The following SEC16B variants were observed in gnomAD, a reference collection of about 807,000 sequenced individuals.
SEC16B encodes the protein SEC16 homolog B, endoplasmic reticulum export factor, also known as protein transport protein Sec16B.
A neutral mutation model predicts 141.8 loss-of-function variants in SEC16B; 115 were observed. That is an observed-to-expected ratio of 0.81 (90% CI 0.70 to 0.95). The LOEUF (loss-of-function observed/expected upper bound fraction) is 0.95, where lower values mean the gene tolerates loss of function less well. SEC16B is among the 40% of genes least tolerant of loss of function. SEC16B has a pLI of 0.00. For synonymous variants in SEC16B, 493 were observed against 492.5 expected, an observed-to-expected ratio of 1.00 and a Z score of -0.01; for missense variants, 1,291 against 1,312.3, an observed-to-expected ratio of 0.98 and a Z score of 0.25.
intron 11 of SEC16B, among the ~76,000 whole-genome samples, chr1:177,953,840 C>G (rs964034437): frequency 6.6e-6 from 1 of 152,044 alleles, no homozygotes; most frequent in Non-Finnish European, 1.5e-5. Context: ...CAGCTCACGA[C>G]CCTGCTACCC....
chr1:177,974,828 T>A (rs979740140), upstream of SEC16B, among the ~76,000 whole-genome samples: 1 of 152,190 alleles, frequency 6.6e-6, no homozygotes, highest in Non-Finnish European at 1.5e-5. Flanking sequence ...CTGATTCATA[T>A]GAAGAGACTG....
In SEC16B at chr1:177,961,492, G is replaced by A. The variant is rs1021755866; in HGVS notation, c.787+98C>T. The A allele has an allele frequency of 6.8e-6, 9 of 1,325,326 alleles. No individual in the cohort carries two copies. The South Asian group carries it at 1.1e-4, about 17-fold the overall frequency. 82.1% of individuals were successfully genotyped at this position (1,325,326 alleles called of 1,614,324 possible). A position where few individuals can be genotyped will look rare whatever the true frequency, so the allele number is the denominator to read the frequency against. On this transcript the variant is annotated intron_variant, in intron 6 of 25. Coordinates refer to ENST00000308284, the MANE Select transcript of SEC16B (RefSeq NM_033127.4). ...GGTGACCTACATAAGCAAATGAGGTGGACAATGATCCATCGTAAGGCTGAC... is the reference window on the plus strand; with the variant it reads ...GGTGACCTACATAAGCAAATGAGGTAGACAATGATCCATCGTAAGGCTGAC...
At chr1:177,937,591 T>C in intron 18 of SEC16B, 78 bp from the exon 19 acceptor site, 2 of 1,243,866 alleles carry the variant, frequency 1.6e-6, no homozygotes, top group Non-Finnish European at 2.2e-6. Context: ...GAAACATTCC[T>C]GCTTATGTCT....
In SEC16B at chr1:177,958,946, G is replaced by A. The variant is rs749834093; in HGVS notation, c.1028C>T (p.Thr343Met). 2.1e-5 allele frequency: 34 copies of A among 1,613,520 alleles called. No individual in the cohort carries two copies. The East Asian group carries it at 2.2e-4, about 11-fold the overall frequency. Residue 343 changes from threonine to methionine, a missense_variant, in exon 9 of 26, where the codon ACG (threonine) becomes ATG (methionine). Physicochemically the swap from Thr to Met is moderately conservative, Grantham distance 81 (BLOSUM62 -1). Transcript: ENST00000308284. ...REDVHKVDIM[T>M]FCQQKAAQSC... ...CTGAGCTGCTTTCTGCTGGCAAAAC[G>A]TCATAATATCCACCTTATGTACATC...
At chr1:177,937,685 T>G (rs1650959696) in intron 18 of SEC16B, among the ~76,000 whole-genome samples, 172 bp from the exon 19 acceptor site, 1 of 152,194 alleles carries the variant, frequency 6.6e-6, no homozygotes, top group African/African-American at 2.4e-5. Context: ...GATTGTAACA[T>G]CCTCATTGCT....
intron 16 of SEC16B, 41 bp from the exon 17 acceptor site, chr1:177,940,755 A>G (rs913433131): frequency 1.5e-6 from 2 of 1,358,324 alleles, no homozygotes; most frequent in Non-Finnish European, 2.1e-6. Context: ...AGAAAGTAAG[A>G]GAGGAGAGGA....
At chr1:177,968,312 G>A (rs901219384) in intron 1 of SEC16B, among the ~76,000 whole-genome samples, 3 of 152,188 alleles carry the variant, frequency 2.0e-5, no homozygotes, top group Admixed American at 6.5e-5. Context: ...AACAATAATA[G>A]GTACAGCTAA....
At chr1:177,935,784 G>T (rs1299340744) in intron 20 of SEC16B, among the ~76,000 whole-genome samples, 1 of 152,090 alleles carries the variant, frequency 6.6e-6, no homozygotes, top group Admixed American at 6.5e-5. Context: ...CTCAGGTTTG[G>T]GACCAACACT....
intron 16 of SEC16B, 60 bp downstream of exon 16, chr1:177,941,840 G>A (rs1184342875): frequency 1.1e-5 from 18 of 1,568,906 alleles, no homozygotes; most frequent in Admixed American, 1.1e-4. Context: ...GCTGCTCTAC[G>A]ATGGCTTTCT....
intron 2 of SEC16B, 57 bp downstream of exon 2, chr1:177,967,626 C>A: frequency 7.0e-7 from 1 of 1,437,158 alleles, no homozygotes; most frequent in East Asian, 2.3e-5. Flanking sequence ...AGGAAAAGAA[C>A]AACCTATTCA....
chr1:177,971,637 G>A (rs1218279328), upstream of SEC16B, among the ~76,000 whole-genome samples: 1 of 152,206 alleles, frequency 6.6e-6, no homozygotes, highest in Non-Finnish European at 1.5e-5. Context: ...AACACCAGCT[G>A]CATTATGGGA....
intron 19 of SEC16B, among the ~76,000 whole-genome samples, chr1:177,936,647 C>A (rs1190467954): frequency 1.3e-5 from 2 of 152,166 alleles, no homozygotes; most frequent in African/African-American, 4.8e-5. Flanking sequence ...GGATCCTCCA[C>A]CACTCCTCTC....
At chr1:177,955,218 C>G (rs746483112) in intron 10 of SEC16B, among the ~76,000 whole-genome samples, 1 of 151,836 alleles carries the variant, frequency 6.6e-6, no homozygotes, top group African/African-American at 2.4e-5. Context: ...AATGCAGGCC[C>G]GGTGCGGTGG....
chr1:177,945,100 C>G (rs1651584587), intron 14 of SEC16B, among the ~76,000 whole-genome samples: 1 of 152,140 alleles, frequency 6.6e-6, no homozygotes, highest in South Asian at 2.1e-4. Context: ...AAGAGGGGAG[C>G]CATGTAACAC....
At position 177,958,979 on chromosome 1, in the gene SEC16B, C is replaced by T. The variant is rs1361219633; in HGVS notation, c.999-4G>A. ...ATCCACCTTATGTACATCTTCCCTA[C>T]ATGGAAAAAATTTAGGGAGCAAAGA... On this transcript the variant is annotated splice_region_variant and splice_polypyrimidine_tract_variant and intron_variant, in intron 8 of 25. Coordinates refer to ENST00000308284, the MANE Select transcript of SEC16B (RefSeq NM_033127.4). 6.2e-7 allele frequency: 1 copy of T among 1,611,810 alleles called. No individual in the cohort carries two copies. Among genetic ancestry groups the T allele is most frequent in the Non-Finnish European group, 8.5e-7 (1 of 1,179,062 alleles).
chr1:177,962,003 G>A (rs536278147), intron 5 of SEC16B, among the ~76,000 whole-genome samples: 25 of 152,254 alleles, frequency 1.6e-4, no homozygotes, highest in African/African-American at 5.8e-4. Flanking sequence ...TAGGCTCTCT[G>A]AGCTCAGTGC....
intron 13 of SEC16B, 127 bp downstream of exon 13, chr1:177,947,698 G>A (rs534755651): frequency 4.5e-4 from 267 of 597,106 alleles, no homozygotes; most frequent in South Asian, 7.4e-4. Context: ...TGGACGGGGA[G>A]GGGAGGTGAG....
rs781588591 is a variant in SEC16B at position 177,932,537 on chromosome 1, C to A, written c.2965G>T (p.Gly989Trp). The A allele has an allele frequency of 9.0e-6, 14 of 1,561,218 alleles. No individual in the cohort carries two copies. Among genetic ancestry groups the A allele is most frequent in the Non-Finnish European group, 1.2e-5 (14 of 1,153,248 alleles). Residue 989 changes from glycine to tryptophan, a missense_variant, in exon 24 of 26, where the codon GGG becomes TGG. Physicochemically the swap from Gly to Trp is radical, Grantham distance 184. Transcript: ENST00000308284. ...GGEGRGSASS[G>W]GAAAGAGVGG... is the part of the protein sequence containing the mutation. ...ACCCCAGCGCCCGCAGCTGCTCCCC[C>A]GCTGGATGCGGATCCTCGGCCTTCA... is the stretch of plus-strand genomic sequence containing the variant.
intron 3 of SEC16B, 99 bp downstream of exon 3, chr1:177,965,794 G>C: frequency 1.5e-6 from 1 of 663,020 alleles, no homozygotes; most frequent in Non-Finnish European, 2.6e-6. Flanking sequence ...GGATGCCCAA[G>C]GTGAGGGTCT....
Sources: allele counts gnomAD v4.1 joint callset (sites outside exome capture counted in the v4.1 genomes callset), GRCh38; gene constraint gnomAD v4.1.1; transcripts MANE v1.5; gene names NCBI Gene and HGNC (gene_info 2026-07-23, HGNC 2026-07-21).